CCDC102B: variants seen among roughly 807,000 people sequenced by gnomAD.
CCDC102B encodes the protein coiled-coil domain-containing protein 102B.
CCDC102B carries 75 observed loss-of-function variants against 57.4 expected under a neutral mutation model. The observed-to-expected ratio is 1.31, with a 90% confidence interval of 1.08 to 1.58. The LOEUF (loss-of-function observed/expected upper bound fraction) is 1.58, where lower values mean the gene tolerates loss of function less well. Ranked by LOEUF, CCDC102B falls within the 40% of genes most tolerant of loss-of-function variation. The probability of loss-of-function intolerance (pLI) is 0.00; values close to 1 mark genes in which losing one functional copy is unlikely to be tolerated. For synonymous variants in CCDC102B, 206 were observed against 201.9 expected (o/e 1.02, Z -0.17); for missense variants, 636 against 582.6 (o/e 1.09, Z -0.94).
chr18:68,833,624 T>G (rs1568275419), intron 1 of CCDC102B, among the ~76,000 whole-genome samples: 1 of 152,158 alleles, frequency 6.6e-6, no homozygotes, highest in Non-Finnish European at 1.5e-5. Context: ...ACTAAGGATA[T>G]TTAATGAAAG....
At chr18:69,045,305 A>G (rs1334825724) in intron 7 of CCDC102B, among the ~76,000 whole-genome samples, 4 of 152,226 alleles carry the variant, frequency 2.6e-5, no homozygotes, top group Middle Eastern at 6.8e-3. Context: ...TAAAATGAAT[A>G]CAAACAAACT....
intron 7 of CCDC102B, among the ~76,000 whole-genome samples, chr18:69,014,200 C>G (rs1207046977): frequency 6.6e-6 from 1 of 152,168 alleles, no homozygotes; most frequent in Non-Finnish European, 1.5e-5. Flanking sequence ...AAGTGAGCTT[C>G]TAGTCTGGGC....
chr18:68,805,362 A>T (rs993743950), intron 1 of CCDC102B, among the ~76,000 whole-genome samples: 1 of 152,302 alleles, frequency 6.6e-6, no homozygotes, highest in African/African-American at 2.4e-5. Context: ...CTGAAGTGAG[A>T]CCAGATAGCA....
chr18:69,055,488 AT>A (rs1450211828), downstream of CCDC102B, among the ~76,000 whole-genome samples: 3 of 151,998 alleles, frequency 2.0e-5, no homozygotes, highest in Non-Finnish European at 2.9e-5. Flanking sequence ...ATCCCATCAT[AT>A]CCCCTGTCAA....
chr18:68,947,829 G>T (rs1393486606), intron 6 of CCDC102B, among the ~76,000 whole-genome samples: 1 of 151,918 alleles, frequency 6.6e-6, no homozygotes, highest in Non-Finnish European at 1.5e-5. Context: ...TTCTCATTCT[G>T]GTAAGGTGTT....
chr18:68,924,367 G>A (rs564970536), intron 6 of CCDC102B, among the ~76,000 whole-genome samples: 1 of 151,964 alleles, frequency 6.6e-6, no homozygotes, highest in Non-Finnish European at 1.5e-5. Context: ...GTTTAATAAG[G>A]GGCTTTTCCC....
At chr18:69,022,472 G>A (rs1038105888) in intron 7 of CCDC102B, among the ~76,000 whole-genome samples, 3 of 151,740 alleles carry the variant, frequency 2.0e-5, no homozygotes, top group Admixed American at 1.3e-4. Context: ...AAAAATTATG[G>A]AAGCTACATA....
intron 6 of CCDC102B, among the ~76,000 whole-genome samples, chr18:68,959,535 G>C (rs565208921): frequency 1.3e-5 from 2 of 152,146 alleles, no homozygotes; most frequent in Non-Finnish European, 2.9e-5. Flanking sequence ...AGGACCTAAG[G>C]GCTCGATATT....
At chr18:68,768,697 T>C (rs556397060) in intron 2 of CCDC102B, among the ~76,000 whole-genome samples, 1 of 152,122 alleles carries the variant, frequency 6.6e-6, no homozygotes, top group African/African-American at 2.4e-5. Flanking sequence ...CAAAATACCA[T>C]ATAAGCTATA....
At chr18:69,049,414 A>T (rs897915643) in intron 7 of CCDC102B, among the ~76,000 whole-genome samples, 3 of 152,126 alleles carry the variant, frequency 2.0e-5, no homozygotes, top group Non-Finnish European at 4.4e-5. Flanking sequence ...AAATACTGAA[A>T]TTATTGGTTT....
At chr18:68,939,228 C>G (rs192667935) in intron 6 of CCDC102B, among the ~76,000 whole-genome samples, 1 of 151,832 alleles carries the variant, frequency 6.6e-6, no homozygotes, top group African/African-American at 2.4e-5. Context: ...TGTGAGATAA[C>G]AAAATGTTCT....
At chr18:68,816,929 A>G (rs73967711) in intron 1 of CCDC102B, among the ~76,000 whole-genome samples, 3,124 of 152,322 alleles carry the variant, frequency 0.021, 93 homozygotes, top group African/African-American at 0.07. Flanking sequence ...TTTGTATTCA[A>G]GCTAACTTAT....
At chr18:68,968,586 G>T (rs968158711) in intron 6 of CCDC102B, among the ~76,000 whole-genome samples, 1 of 152,014 alleles carries the variant, frequency 6.6e-6, no homozygotes, top group Non-Finnish European at 1.5e-5. Flanking sequence ...CATGAGATTT[G>T]CCCTCTTAAC....
chr18:68,831,579 G>C (rs1444131462), intron 1 of CCDC102B, among the ~76,000 whole-genome samples: 1 of 152,018 alleles, frequency 6.6e-6, no homozygotes, highest in Admixed American at 6.6e-5. Context: ...ATATTATTAA[G>C]TTGCCTGCTT....
chr18:68,812,487 T>C (rs1300878062), intron 1 of CCDC102B, among the ~76,000 whole-genome samples: 2 of 152,176 alleles, frequency 1.3e-5, no homozygotes, highest in African/African-American at 4.8e-5. Context: ...CGTGGTTCAC[T>C]TTAAGTAATA....
At chr18:68,824,169 G>A (rs1345735719) in intron 1 of CCDC102B, among the ~76,000 whole-genome samples, 3 of 152,004 alleles carry the variant, frequency 2.0e-5, no homozygotes, top group Admixed American at 6.6e-5. Context: ...TTTTCTTTTC[G>A]GAATTTTATA....
intron 1 of CCDC102B, among the ~76,000 whole-genome samples, chr18:68,806,077 A>G (rs1326421223): frequency 1.3e-5 from 2 of 152,154 alleles, no homozygotes; most frequent in African/African-American, 2.4e-5. Flanking sequence ...TGTGTTTATC[A>G]TTTTGCCAAA....
At chr18:68,946,880 C>T (rs1464026774) in intron 6 of CCDC102B, among the ~76,000 whole-genome samples, 1 of 151,914 alleles carries the variant, frequency 6.6e-6, no homozygotes, top group Non-Finnish European at 1.5e-5. Flanking sequence ...GGGAATAATG[C>T]TGCAGGCCCT....
intron 2 of CCDC102B, among the ~76,000 whole-genome samples, chr18:68,787,412 C>G (rs1432227347): frequency 6.6e-6 from 1 of 151,058 alleles, no homozygotes; most frequent in Non-Finnish European, 1.5e-5. Flanking sequence ...GGTCCCAGTT[C>G]CTCCTTGTAC....
Sources: gnomAD v4.1 joint callset for allele counts (sites outside exome capture counted in the v4.1 genomes callset) on GRCh38, gnomAD v4.1.1 for gene constraint, MANE v1.5 for transcripts, NCBI Gene and HGNC (gene_info 2026-07-23, HGNC 2026-07-21) for gene names.